Variants in STOX2 observed in about 807,000 individuals in gnomAD.
STOX2 encodes storkhead box 2, also known as storkhead-box protein 2.
A neutral mutation model predicts 60.9 loss-of-function variants in STOX2; 28 were observed. The observed-to-expected ratio is 0.46, with a 90% CI of 0.34 to 0.63. The LOEUF (loss-of-function observed/expected upper bound fraction) is 0.63. Ranked by LOEUF, STOX2 falls within the 30% of genes least tolerant of loss-of-function variation. The probability of loss-of-function intolerance (pLI) is 0.01; values close to 1 mark genes in which losing one functional copy is unlikely to be tolerated. For missense variants in STOX2, 1,024 were observed against 1,187.7 expected (o/e 0.86, Z 2.03); for synonymous variants, 472 against 463.9 (o/e 1.02, Z -0.22).
intron 1 of STOX2, among the ~76,000 whole-genome samples, chr4:183,849,034 C>G (rs1740048968): frequency 6.6e-6 from 1 of 152,166 alleles, no homozygotes; most frequent in Non-Finnish European, 1.5e-5. Context: ...CTAGTTCACT[C>G]TGGGCATGTA....
intron 2 of STOX2, among the ~76,000 whole-genome samples, chr4:184,002,564 G>A (rs1217496356): frequency 6.6e-6 from 1 of 152,192 alleles, no homozygotes; most frequent in Non-Finnish European, 1.5e-5. Context: ...TGCTCCATCT[G>A]TACCCATCCG....
chr4:184,014,808 G>A (rs1326095208), intron 3 of STOX2: 1 of 152,046 alleles, frequency 6.6e-6, no homozygotes, highest in Non-Finnish European at 1.5e-5. Context: ...GAAGGTGGGC[G>A]AAGGGATCTT....
At position 183,806,351 on chromosome 4, in the gene STOX2, T is replaced by A. The variant is rs1173272090; in HGVS notation, c.364+8296T>A. 5.9e-5 allele frequency among the ~76,000 whole-genome samples: 9 copies of A among 152,186 alleles called. No individual in the cohort carries two copies. Among genetic ancestry groups the A allele is most frequent in the Admixed American group, 3.9e-4 (6 of 15,276 alleles). Reference sequence around the variant, plus strand: ...TGTCCCTTAGTCTAGCTCTCTGGCATGGAAGCTGGGGATGCATAGTGAGTC... The same window carrying A: ...TGTCCCTTAGTCTAGCTCTCTGGCAAGGAAGCTGGGGATGCATAGTGAGTC... On this transcript the variant is annotated intron_variant, in intron 1 of 2. Transcript: ENST00000513034. The surrounding 1 kb of genome is among the most constrained non-coding windows in gnomAD (Gnocchi z 4.1).
chr4:183,885,354 T>C (rs530041902), intron 1 of STOX2, among the ~76,000 whole-genome samples: 38 of 152,348 alleles, frequency 2.5e-4, no homozygotes, highest in African/African-American at 8.2e-4. Flanking sequence ...AGAGGACTTA[T>C]GTAGCTGATC....
chr4:183,897,857 G>T (rs1741372079), intron 1 of STOX2, among the ~76,000 whole-genome samples: 1 of 151,980 alleles, frequency 6.6e-6, no homozygotes, highest in Admixed American at 6.6e-5. Context: ...TTCACATTGG[G>T]GCTTCTCCAC....
chr4:183,833,173 C>A (rs1257746744), intron 1 of STOX2, among the ~76,000 whole-genome samples: 2 of 152,062 alleles, frequency 1.3e-5, no homozygotes, highest in African/African-American at 2.4e-5. Flanking sequence ...TTTTTTATTG[C>A]CTAATAACCG....
chr4:183,956,997 C>G (rs975955410), intron 1 of STOX2, among the ~76,000 whole-genome samples: 8 of 106,534 alleles, frequency 7.5e-5, no homozygotes, highest in Admixed American at 1.6e-4. Context: ...GAACATCACA[C>G]AGTGTTGTGG....
At chr4:183,937,031 G>A (rs1458479546) in intron 1 of STOX2, among the ~76,000 whole-genome samples, 1 of 152,130 alleles carries the variant, frequency 6.6e-6, no homozygotes, top group Admixed American at 6.6e-5. Context: ...AATAAGGAGG[G>A]AAATAATTAT....
Position 183,877,350 on chromosome 4 carries a change from A to T in STOX2, c.364+79295A>T, listed in dbSNP as rs1258730249. ...CCTACAGGATCTGCATTTTAACCAGATCCCAAACATTTCCAGAAAGATGAT... is the reference window on the plus strand; with the variant it reads ...CCTACAGGATCTGCATTTTAACCAGTTCCCAAACATTTCCAGAAAGATGAT... On this transcript the variant is annotated intron_variant, in intron 1 of 2. Coordinates refer to the STOX2 transcript ENST00000513034. 4.6e-5 allele frequency among the ~76,000 whole-genome samples: 7 copies of T among 152,284 alleles called. No individual in the cohort carries two copies. In the East Asian group the frequency reaches 1.4e-3, roughly 29 times the overall value.
chr4:183,864,488 G>A (rs1230718928), intron 1 of STOX2, among the ~76,000 whole-genome samples: 6 of 152,084 alleles, frequency 3.9e-5, no homozygotes, highest in Admixed American at 3.9e-4. Flanking sequence ...CCACCTCCTG[G>A]GTTCAAGTGA....
chr4:184,004,030 A>G (rs890434057), intron 2 of STOX2, among the ~76,000 whole-genome samples: 24 of 151,914 alleles, frequency 1.6e-4, no homozygotes, highest in Admixed American at 4.6e-4. Flanking sequence ...TTTAAATTCT[A>G]CTTGAAAATT....
chr4:183,971,865 C>G (rs1312658329), intron 1 of STOX2, among the ~76,000 whole-genome samples: 1 of 152,110 alleles, frequency 6.6e-6, no homozygotes, highest in Admixed American at 6.5e-5. Context: ...GTAGCTGAGA[C>G]CATGGGCAGA....
chr4:183,899,197 C>T (rs1345261177), intron 1 of STOX2, among the ~76,000 whole-genome samples: 1 of 152,190 alleles, frequency 6.6e-6, no homozygotes, highest in East Asian at 1.9e-4. Flanking sequence ...GTTCCAATGA[C>T]TGGCCATTCC....
At chr4:183,948,730 G>C (rs539866141) in intron 1 of STOX2, among the ~76,000 whole-genome samples, 5 of 151,856 alleles carry the variant, frequency 3.3e-5, no homozygotes, top group African/African-American at 1.2e-4. Flanking sequence ...TGGGCTTTCA[G>C]CATGTTAGTC....
intron 1 of STOX2, among the ~76,000 whole-genome samples, chr4:183,999,779 C>T (rs1486488312): frequency 6.6e-6 from 1 of 152,214 alleles, no homozygotes; most frequent in African/African-American, 2.4e-5. Flanking sequence ...CCCATAGGGA[C>T]TCTGCACTCC....
chr4:183,877,839 C>T (rs527963538), intron 1 of STOX2, among the ~76,000 whole-genome samples: 18 of 152,206 alleles, frequency 1.2e-4, no homozygotes, highest in African/African-American at 3.9e-4. Flanking sequence ...TGCCACCACA[C>T]CTGACTAATT....
At chr4:183,965,356 A>G (rs1312445736) in intron 1 of STOX2, among the ~76,000 whole-genome samples, 1 of 152,230 alleles carries the variant, frequency 6.6e-6, no homozygotes, top group Non-Finnish European at 1.5e-5. Flanking sequence ...AGTGTCTGAC[A>G]TAGAGTACTG....
intron 1 of STOX2, among the ~76,000 whole-genome samples, chr4:183,861,811 A>G (rs1260084786): frequency 6.6e-6 from 1 of 152,336 alleles, no homozygotes; most frequent in African/African-American, 2.4e-5. Flanking sequence ...TAATATACCA[A>G]CAACTATTTT....
At chr4:183,884,947 C>T (rs1212734075) in intron 1 of STOX2, among the ~76,000 whole-genome samples, 1 of 152,166 alleles carries the variant, frequency 6.6e-6, no homozygotes, top group African/African-American at 2.4e-5. Context: ...AACAAACCAG[C>T]CAAGTACAGC....
Sources: allele counts gnomAD v4.1 joint callset (sites outside exome capture counted in the v4.1 genomes callset), GRCh38; gene constraint gnomAD v4.1.1; non-coding constraint Gnocchi (gnomAD v3.1); transcripts MANE v1.5; gene names NCBI Gene and HGNC (gene_info 2026-07-23, HGNC 2026-07-21).